LRP6: variants seen among roughly 807,000 people sequenced by gnomAD.
LRP6 encodes the protein LDL receptor related protein 6.
In LRP6, 43 loss-of-function variants were observed where a neutral mutation model predicts 184.1. That is an observed-to-expected ratio of 0.23 (90% CI 0.18 to 0.30). The LOEUF is 0.30. Ranked by LOEUF, LRP6 falls within the 10% of genes least tolerant of loss-of-function variation. The probability of loss-of-function intolerance (pLI) is 1.00; values close to 1 mark genes in which losing one functional copy is unlikely to be tolerated. For missense variants in LRP6, 1,571 were observed against 2,005.3 expected (o/e 0.78, Z 4.14); for synonymous variants, 719 against 684.9 (o/e 1.05, Z -0.78).
chr12:12,121,793 A>G (rs1482912177), intron 22 of LRP6, among the ~76,000 whole-genome samples: 1 of 152,182 alleles, frequency 6.6e-6, no homozygotes, highest in Non-Finnish European at 1.5e-5. Flanking sequence ...CATATTTTAC[A>G]CTACTCAAAC....
At chr12:12,141,458 T>G (rs1949933358) in intron 15 of LRP6, among the ~76,000 whole-genome samples, 1 of 151,878 alleles carries the variant, frequency 6.6e-6, no homozygotes, top group Non-Finnish European at 1.5e-5. Context: ...ATCAACCAAG[T>G]GTGAGGAGGA....
intron 2 of LRP6, among the ~76,000 whole-genome samples, chr12:12,225,342 A>G (rs910081553): frequency 2.0e-5 from 3 of 152,216 alleles, no homozygotes; most frequent in African/African-American, 7.2e-5. Flanking sequence ...GTAAGGTCAC[A>G]GGGCAAACCA....
intron 2 of LRP6, among the ~76,000 whole-genome samples, chr12:12,227,637 G>T (rs1457728923): frequency 1.3e-5 from 2 of 152,080 alleles, no homozygotes; most frequent in African/African-American, 4.8e-5. Context: ...TCGAACTCCT[G>T]ACCTCAGGTG....
intron 2 of LRP6, among the ~76,000 whole-genome samples, chr12:12,229,569 T>C (rs1864727592): frequency 6.6e-6 from 1 of 152,194 alleles, no homozygotes; most frequent in Admixed American, 6.5e-5. Flanking sequence ...TGTTTTTGTA[T>C]TTAATCTACC....
intron 1 of LRP6, among the ~76,000 whole-genome samples, chr12:12,248,073 C>A (rs902296531): frequency 6.6e-6 from 1 of 152,080 alleles, no homozygotes; most frequent in African/African-American, 2.4e-5. Flanking sequence ...TAATTTATAC[C>A]TCTCAAAATT....
chr12:12,200,502 GT>G (rs1863887273), intron 3 of LRP6, among the ~76,000 whole-genome samples: 1 of 152,070 alleles, frequency 6.6e-6, no homozygotes, highest in Non-Finnish European at 1.5e-5. Context: ...GGTATTTTCT[GT>G]TTGTTCTTTT....
At chr12:12,215,209 T>G (rs192801146) in intron 2 of LRP6, among the ~76,000 whole-genome samples, 2 of 152,084 alleles carry the variant, frequency 1.3e-5, no homozygotes, top group Non-Finnish European at 2.9e-5. Context: ...AAAGTTAACA[T>G]TTTTACAAAC....
At chr12:12,197,166 A>G (rs1322911024) in intron 3 of LRP6, among the ~76,000 whole-genome samples, 1 of 152,176 alleles carries the variant, frequency 6.6e-6, no homozygotes, top group Admixed American at 6.5e-5. Flanking sequence ...AACACACTTC[A>G]CAGGTTTCTA....
chr12:12,194,444 T>A (rs2137021611), intron 3 of LRP6, among the ~76,000 whole-genome samples: 1 of 152,146 alleles, frequency 6.6e-6, no homozygotes, highest in East Asian at 1.9e-4. Context: ...AATCCCTCCC[T>A]CTCCATAGAA....
At chr12:12,230,521 C>A (rs1352348943) in intron 2 of LRP6, among the ~76,000 whole-genome samples, 1 of 151,918 alleles carries the variant, frequency 6.6e-6, no homozygotes, top group Admixed American at 6.6e-5. Context: ...AACTAAGTGA[C>A]CCAGATCTAT....
intron 3 of LRP6, among the ~76,000 whole-genome samples, chr12:12,194,936 G>C (rs1025403770): frequency 6.6e-6 from 1 of 151,908 alleles, no homozygotes; most frequent in East Asian, 1.9e-4. Context: ...TTCCACATAC[G>C]AGTGAGAACA....
intron 22 of LRP6, among the ~76,000 whole-genome samples, chr12:12,122,191 C>G (rs1949615228): frequency 6.6e-6 from 1 of 152,118 alleles, no homozygotes. Context: ...AGGTTTGTAG[C>G]ACTGCTAACT....
chr12:12,214,022 G>C (rs1226034250), intron 2 of LRP6, among the ~76,000 whole-genome samples: 4 of 152,134 alleles, frequency 2.6e-5, no homozygotes, highest in African/African-American at 4.8e-5. Flanking sequence ...TTGCAGGACA[G>C]TTCTTCATAT....
intron 16 of LRP6, 43 bp from the exon 17 acceptor site, chr12:12,135,343 G>C (rs145334724): frequency 7.0e-7 from 1 of 1,419,064 alleles, no homozygotes; most frequent in South Asian, 1.1e-5. Flanking sequence ...AGGGGGAGTG[G>C]AGGGGGAGAG....
At chr12:12,228,154 T>C (rs1864678494) in intron 2 of LRP6, among the ~76,000 whole-genome samples, 1 of 152,162 alleles carries the variant, frequency 6.6e-6, no homozygotes, top group Non-Finnish European at 1.5e-5. Context: ...GGGGATCACC[T>C]GAGGTCGGGA....
Position 12,223,399 on chromosome 12 carries a change from C to T in LRP6, c.450-19999G>A, listed in dbSNP as rs146077561. On this transcript the variant is annotated intron_variant, in intron 2 of 22. Transcript: ENST00000261349. Reference sequence around the variant, plus strand: ...TTGGGAATGATGGCTAAGGTAGAACCATACCGCACATATTTAAACAATAAT... The same window carrying T: ...TTGGGAATGATGGCTAAGGTAGAACTATACCGCACATATTTAAACAATAAT... Among the ~76,000 whole-genome samples the T allele has an allele frequency of 8.5e-5, 13 of 152,244 alleles. No individual in the cohort carries two copies. In the East Asian group the frequency reaches 2.5e-3, roughly 29 times the overall value.
intron 12 of LRP6, among the ~76,000 whole-genome samples, chr12:12,151,970 G>A (rs1211036829): frequency 6.6e-6 from 1 of 152,120 alleles, no homozygotes; most frequent in African/African-American, 2.4e-5. Flanking sequence ...AAAGAGAGCA[G>A]GTAAAAATTA....
At chr12:12,243,190 T>A (rs1391856810) in intron 2 of LRP6, among the ~76,000 whole-genome samples, 1 of 152,196 alleles carries the variant, frequency 6.6e-6, no homozygotes, top group Non-Finnish European at 1.5e-5. Context: ...AAATGGTGTA[T>A]ACTAATAGTA....
chr12:12,239,081 G>T (rs1043375891), intron 2 of LRP6, among the ~76,000 whole-genome samples: 9 of 152,102 alleles, frequency 5.9e-5, no homozygotes, highest in African/African-American at 2.2e-4. Context: ...CCCAAAGAAG[G>T]GAAGGAAGGC....
Sources: allele counts gnomAD v4.1 joint callset (sites outside exome capture counted in the v4.1 genomes callset), GRCh38; gene constraint gnomAD v4.1.1; transcripts MANE v1.5; gene names NCBI Gene and HGNC (gene_info 2026-07-23, HGNC 2026-07-21).